Variants in FBXO36 observed in about 807,000 individuals in gnomAD.
FBXO36 encodes F-box protein 36, also known as F-box only protein 36.
FBXO36 carries 18 observed loss-of-function variants against 17.0 expected under a neutral mutation model. That is an observed-to-expected ratio of 1.06 (90% CI 0.73 to 1.57). The LOEUF (loss-of-function observed/expected upper bound fraction) is 1.57. Ranked by LOEUF, FBXO36 falls within the 40% of genes most tolerant of loss-of-function variation. FBXO36 has a pLI of 0.00. For synonymous variants in FBXO36, 83 were observed against 85.3 expected (o/e 0.97, Z 0.15); for missense variants, 229 against 221.9 (o/e 1.03, Z -0.20).
intron 1 of FBXO36, among the ~76,000 whole-genome samples, chr2:229,925,983 T>C (rs1409707687): frequency 1.3e-5 from 2 of 151,988 alleles, no homozygotes; most frequent in Non-Finnish European, 2.9e-5. Flanking sequence ...AGTGCGCTGC[T>C]TTCTAAATCA....
At chr2:229,994,774 G>A (rs2106208812) in intron 2 of FBXO36, among the ~76,000 whole-genome samples, 1 of 152,276 alleles carries the variant, frequency 6.6e-6, no homozygotes, top group East Asian at 1.9e-4. Context: ...GGGCCCCTGT[G>A]ATCTATATGC....
intron 3 of FBXO36, among the ~76,000 whole-genome samples, chr2:230,000,336 C>A (rs1019028416): frequency 9.7e-6 from 1 of 103,122 alleles, no homozygotes; most frequent in Non-Finnish European, 1.8e-5. Flanking sequence ...GCAGCCTGGA[C>A]AACAGAGTGA....
At chr2:229,981,181 G>A (rs770877774) in intron 2 of FBXO36, among the ~76,000 whole-genome samples, 50 of 151,958 alleles carry the variant, frequency 3.3e-4, no homozygotes, top group Middle Eastern at 3.4e-3. Context: ...ATATAGCCAC[G>A]GTGAGCATTC....
At chr2:229,974,862 A>G (rs938992027) in intron 1 of FBXO36, among the ~76,000 whole-genome samples, 1 of 152,158 alleles carries the variant, frequency 6.6e-6, no homozygotes, top group African/African-American at 2.4e-5. Context: ...TGTTAATTGA[A>G]TTATGTCCCT....
chr2:229,990,456 T>C (rs867269555), intron 2 of FBXO36, among the ~76,000 whole-genome samples: 1 of 152,020 alleles, frequency 6.6e-6, no homozygotes, highest in African/African-American at 2.4e-5. Flanking sequence ...TTATAATAGA[T>C]GTTAGAAATA....
At chr2:229,928,197 A>G (rs1022146011) in intron 1 of FBXO36, among the ~76,000 whole-genome samples, 2 of 152,226 alleles carry the variant, frequency 1.3e-5, no homozygotes, top group Non-Finnish European at 2.9e-5. Context: ...CATGCCATAG[A>G]ATACTATCCA....
intron 3 of FBXO36, among the ~76,000 whole-genome samples, chr2:230,001,356 C>T (rs568812552): frequency 2.0e-5 from 3 of 151,992 alleles, no homozygotes; most frequent in East Asian, 3.9e-4. Flanking sequence ...GGCACCATCT[C>T]GGCTCACTGC....
At chr2:230,000,036 G>T (rs185924766) in intron 3 of FBXO36, among the ~76,000 whole-genome samples, 42 of 152,094 alleles carry the variant, frequency 2.8e-4, no homozygotes, top group African/African-American at 8.4e-4. Flanking sequence ...TCCTAAAGTT[G>T]AAATTTTGTG....
rs1038819796 is a variant in FBXO36 at position 229,980,706 on chromosome 2, G to A, written c.205+4357G>A. On this transcript the variant is annotated intron_variant, in intron 2 of 3. Coordinates refer to ENST00000283946, the MANE Select transcript of FBXO36 (RefSeq NM_174899.5). ...ATACTGGAAGAGAAAAGGCAATATA[G>A]CGAAGATTTTATGAGTCTGACAGCA... Among the ~76,000 whole-genome samples, 4 of 152,118 alleles carry A rather than the reference G, an allele frequency of 2.6e-5. No individual in the cohort carries two copies. The East Asian group carries it at 5.8e-4, about 22-fold the overall frequency.
chr2:229,987,227 A>AG (rs1264421074), intron 2 of FBXO36, among the ~76,000 whole-genome samples: 3 of 151,658 alleles, frequency 2.0e-5, no homozygotes, highest in Non-Finnish European at 2.9e-5. Context: ...AAAAAAAAAA[A>AG]GAACGTTACA....
At chr2:229,944,596 T>TC in intron 1 of FBXO36, among the ~76,000 whole-genome samples, 1 of 146,218 alleles carries the variant, frequency 6.8e-6, no homozygotes, top group East Asian at 2.0e-4. Context: ...CTTTTTCTTT[T>TC]TTTTTTTTTT....
chr2:229,995,861 G>C (rs1472922299), intron 2 of FBXO36, among the ~76,000 whole-genome samples: 1 of 151,218 alleles, frequency 6.6e-6, no homozygotes, highest in Non-Finnish European at 1.5e-5. Flanking sequence ...CAAAGTGCTG[G>C]GATTATAGGG....
chr2:229,925,705 A>G (rs1345199944), intron 1 of FBXO36, among the ~76,000 whole-genome samples: 3 of 152,218 alleles, frequency 2.0e-5, no homozygotes, highest in Admixed American at 6.5e-5. Flanking sequence ...ATTTGAGGGC[A>G]GATATTTCTC....
chr2:229,993,020 C>A (rs954636868), intron 2 of FBXO36, among the ~76,000 whole-genome samples: 1 of 152,102 alleles, frequency 6.6e-6, no homozygotes, highest in African/African-American at 2.4e-5. Context: ...GGGAGTCATG[C>A]CCTACAAATC....
intron 1 of FBXO36, among the ~76,000 whole-genome samples, chr2:229,948,190 G>T (rs924911617): frequency 1.2e-4 from 19 of 152,114 alleles, no homozygotes; most frequent in African/African-American, 4.6e-4. Flanking sequence ...TAAGGCAGAG[G>T]AACACTTGTG....
At chr2:230,007,584 C>T (rs184598757) in intron 3 of FBXO36, among the ~76,000 whole-genome samples, 1 of 152,060 alleles carries the variant, frequency 6.6e-6, no homozygotes, top group African/African-American at 2.4e-5. Context: ...CAACCTGATT[C>T]TAAGGGTTTG....
At chr2:229,964,316 C>G (rs1033043740) in intron 1 of FBXO36, among the ~76,000 whole-genome samples, 2 of 152,162 alleles carry the variant, frequency 1.3e-5, no homozygotes, top group Admixed American at 1.3e-4. Flanking sequence ...TTTCCATCAA[C>G]CTGAAATTGT....
intron 1 of FBXO36, among the ~76,000 whole-genome samples, chr2:229,948,535 A>G (rs2077039304): frequency 1.3e-5 from 2 of 151,920 alleles, no homozygotes; most frequent in Non-Finnish European, 2.9e-5. Flanking sequence ...AAAAAAAAAA[A>G]AAGACTTCAT....
intron 1 of FBXO36, among the ~76,000 whole-genome samples, chr2:229,975,104 C>T (rs2077200419): frequency 6.6e-6 from 1 of 152,188 alleles, no homozygotes; most frequent in South Asian, 2.1e-4. Flanking sequence ...GAAATCAACA[C>T]AGCCTTTAAG....
Sources: allele counts gnomAD v4.1 joint callset (sites outside exome capture counted in the v4.1 genomes callset), GRCh38; gene constraint gnomAD v4.1.1; transcripts MANE v1.5; gene names NCBI Gene and HGNC (gene_info 2026-07-23, HGNC 2026-07-21).